The following TSPAN15 variants were observed in gnomAD, a reference collection of about 807,000 sequenced individuals.
TSPAN15 encodes tetraspanin 15.
In TSPAN15, 20 loss-of-function variants were observed where a neutral mutation model predicts 34.5. That is an observed-to-expected ratio of 0.58 (90% confidence interval 0.41 to 0.84). TSPAN15 has a LOEUF of 0.84. TSPAN15 is among the 40% of genes least tolerant of loss of function. The probability of loss-of-function intolerance (pLI) is 0.00; values close to 1 mark genes in which losing one functional copy is unlikely to be tolerated. For synonymous variants in TSPAN15, 155 were observed against 153.9 expected (o/e 1.01, Z -0.05); for missense variants, 313 against 386.1 (o/e 0.81, Z 1.59).
At chr10:69,533,446 AC>A in the TSPAN15 span, among the ~76,000 whole-genome samples, 1 of 152,218 alleles carries the variant, frequency 6.6e-6, no homozygotes, top group Non-Finnish European at 1.5e-5. Flanking sequence ...GTTCTCACTG[AC>A]ATGTGGGAGC....
chr10:69,519,577 T>A, the TSPAN15 span, among the ~76,000 whole-genome samples: 3 of 152,246 alleles, frequency 2.0e-5, no homozygotes, highest in African/African-American at 7.2e-5. Flanking sequence ...TTATTTATTT[T>A]CTTTAAAAAT....
Position 69,506,312 on chromosome 10 carries a change from A to G in TSPAN15, c.735+72A>G. On this transcript the variant is annotated intron_variant, in intron 7 of 7. Transcript: ENST00000373290. This position sits in a 1 kb window ranked among gnomAD's most constrained non-coding sequence, Gnocchi z 4.7. ...AAGGGCAGAGAAGGTGCAGAGGGGA[A>G]GAGCGAAGAGGCTTTTTTCATAGAA... 1.4e-6 allele frequency: 2 copies of G among 1,439,542 alleles called. No homozygotes were observed. The highest frequency in any genetic ancestry group is 1.9e-6 in the Non-Finnish European group (2 of 1,027,992). 89.2% of individuals were successfully genotyped at this position (1,439,542 alleles called of 1,614,324 possible).
chr10:69,494,519 A>T (rs1439130771), intron 3 of TSPAN15: 5 of 439,956 alleles, frequency 1.1e-5, no homozygotes, highest in Non-Finnish European at 1.5e-5. Context: ...GGCTGTAGGG[A>T]GGTGTCCTTG....
In TSPAN15 at chr10:69,491,983, T is replaced by C. The variant is rs1356067660; in HGVS notation, c.358-3611T>C. On this transcript the variant is annotated intron_variant, in intron 3 of 7. Coordinates refer to ENST00000373290, the MANE Select transcript of TSPAN15 (RefSeq NM_012339.5). Reference sequence around the variant, plus strand: ...TGATGTGGAGGCTTCAGATAAAAACTAGATTTAAAAGGCAAAGCTAGAAAG... The same window carrying C: ...TGATGTGGAGGCTTCAGATAAAAACCAGATTTAAAAGGCAAAGCTAGAAAG... Among the ~76,000 whole-genome samples the C allele has an allele frequency of 2.6e-5, 4 of 152,346 alleles. No homozygotes were observed. The East Asian group carries it at 7.7e-4, about 29-fold the overall frequency.
At chr10:69,476,513 C>T (rs1266039568) in intron 1 of TSPAN15, among the ~76,000 whole-genome samples, 2 of 150,634 alleles carry the variant, frequency 1.3e-5, no homozygotes, top group African/African-American at 2.4e-5. Flanking sequence ...GCTATGATCA[C>T]GCCACTGCAC....
chr10:69,485,713 G>A (rs549827274), intron 3 of TSPAN15, among the ~76,000 whole-genome samples: 39 of 152,264 alleles, frequency 2.6e-4, no homozygotes, highest in African/African-American at 9.4e-4. Context: ...TACCATGGCT[G>A]CTGAGTTGGG....
At chr10:69,504,222 C>T (rs1316869928) in intron 5 of TSPAN15, among the ~76,000 whole-genome samples, 3 of 142,352 alleles carry the variant, frequency 2.1e-5, no homozygotes, top group African/African-American at 8.2e-5. Context: ...GTCATGGAAC[C>T]TGCATTCCTA....
intron 1 of TSPAN15, among the ~76,000 whole-genome samples, chr10:69,457,674 A>G (rs911941215): frequency 2.0e-5 from 3 of 152,176 alleles, no homozygotes; most frequent in Non-Finnish European, 4.4e-5. Flanking sequence ...TACATTTCTT[A>G]TAGTTTAATG....
intron 1 of TSPAN15, among the ~76,000 whole-genome samples, chr10:69,476,340 T>G (rs1841613195): frequency 6.6e-6 from 1 of 152,092 alleles, no homozygotes; most frequent in African/African-American, 2.4e-5. Flanking sequence ...AGTGGGGTCA[T>G]AGCAGATCAG....
intron 1 of TSPAN15, among the ~76,000 whole-genome samples, chr10:69,454,880 G>A (rs1841049955): frequency 1.3e-5 from 2 of 152,042 alleles, no homozygotes; most frequent in South Asian, 4.2e-4. Flanking sequence ...AAATTTAGAA[G>A]TAGAAAAGGG....
chr10:69,474,792 C>A (rs1189305423), intron 1 of TSPAN15, among the ~76,000 whole-genome samples: 12 of 152,202 alleles, frequency 7.9e-5, no homozygotes, highest in Non-Finnish European at 1.0e-4. Flanking sequence ...TCCTACCCCG[C>A]AGCTAGAGCT....
At chr10:69,511,242 C>G (rs991705436), downstream of TSPAN15, among the ~76,000 whole-genome samples, 11 of 152,154 alleles carry the variant, frequency 7.2e-5, no homozygotes, top group Non-Finnish European at 7.3e-5. Flanking sequence ...TAATTACTGC[C>G]TCAATTTCAG....
intron 6 of TSPAN15, among the ~76,000 whole-genome samples, chr10:69,504,870 C>T (rs1252174501): frequency 1.3e-5 from 2 of 152,150 alleles, no homozygotes; most frequent in Admixed American, 1.3e-4. Flanking sequence ...CTGGGGGTTG[C>T]TCCTGGGTCA....
rs1840968439 is a variant in TSPAN15, at chr10:69,451,591, C to G, written c.-4C>G. ...CCCCGTAACCCGCGCGGGGAGCGCC[C>G]AGGATGCCGCGCGGGGACTCGGAGC... On this transcript the variant is annotated 5_prime_UTR_variant, in exon 1 of 8. Coordinates refer to ENST00000373290, the MANE Select transcript of TSPAN15 (RefSeq NM_012339.5). 6.7e-7 allele frequency: 1 copy of G among 1,487,226 alleles called. No homozygotes were observed. The highest frequency in any genetic ancestry group is 9.0e-7 in the Non-Finnish European group (1 of 1,115,692). The allele number at this position is 1,487,226 out of a possible 1,614,324, so 92.1% of individuals were successfully genotyped here.
intron 5 of TSPAN15, among the ~76,000 whole-genome samples, chr10:69,498,667 T>C (rs1370544697): frequency 3.3e-5 from 5 of 152,184 alleles, no homozygotes; most frequent in Non-Finnish European, 7.4e-5. Flanking sequence ...CTGGGCACTT[T>C]GGTGGTATTT....
intron 1 of TSPAN15, among the ~76,000 whole-genome samples, chr10:69,481,879 G>A (rs1039337979): frequency 1.3e-5 from 2 of 152,238 alleles, no homozygotes; most frequent in African/African-American, 4.8e-5. Context: ...ACAGGCAGGG[G>A]ACTGGGTAGA....
chr10:69,474,182 C>A (rs1011343192), intron 1 of TSPAN15, among the ~76,000 whole-genome samples: 1 of 151,706 alleles, frequency 6.6e-6, no homozygotes, highest in African/African-American at 2.4e-5. Flanking sequence ...CTCTCCCCAC[C>A]GCCTGCTCCT....
Position 69,451,558 on chromosome 10 carries a change from C to G in TSPAN15, c.-37C>G, listed in dbSNP as rs751282378. On this transcript the variant is annotated 5_prime_UTR_variant, in exon 1 of 8. Transcript: ENST00000373290. ...TGGCTGAGGGACCGAGCCGGAGAGC[C>G]CCGGAGCCCCCGTAACCCGCGCGGG... 9.2e-5 allele frequency: 127 copies of G among 1,386,828 alleles called. 1 individual carries two copies. The Middle Eastern group carries it at 3.9e-3, about 43-fold the overall frequency. 85.9% of individuals were successfully genotyped at this position (1,386,828 alleles called of 1,614,324 possible).
the TSPAN15 span, among the ~76,000 whole-genome samples, chr10:69,543,845 G>GTA: frequency 0.015 from 61 of 4,100 alleles, no homozygotes; most frequent in African/African-American, 0.052. Flanking sequence ...AAGAAGGGGA[G>GTA]TGTGTGTGTG....
Sources: gnomAD v4.1 joint callset for allele counts (sites outside exome capture counted in the v4.1 genomes callset) on GRCh38, gnomAD v4.1.1 for gene constraint, Gnocchi (gnomAD v3.1) non-coding constraint, MANE v1.5 for transcripts, NCBI Gene and HGNC (gene_info 2026-07-23, HGNC 2026-07-21) for gene names.